Variants in SOX13 observed in about 807,000 individuals in gnomAD.
SOX13 encodes transcription factor SOX-13.
A neutral mutation model predicts 71.8 loss-of-function variants in SOX13; 28 were observed. That is an observed-to-expected ratio of 0.39 (90% CI 0.29 to 0.53). SOX13 has a LOEUF of 0.53. SOX13 is among the 20% of genes least tolerant of loss of function. SOX13 has a pLI of 0.70. For synonymous variants in SOX13, 309 were observed against 317.8 expected (o/e 0.97, Z 0.29); for missense variants, 627 against 810.3 (o/e 0.77, Z 2.75).
chr1:204,103,793 A>T (rs1336228160), intron 1 of SOX13, among the ~76,000 whole-genome samples: 1 of 152,212 alleles, frequency 6.6e-6, no homozygotes, highest in Non-Finnish European at 1.5e-5. Context: ...GTTGGGGTGC[A>T]GGAGAACCTG....
In SOX13 at chr1:204,111,802, C is replaced by A. The variant is rs187988290; in HGVS notation, c.-1-1113C>A. 2.6e-5 allele frequency among the ~76,000 whole-genome samples: 4 copies of A among 150,996 alleles called. No individual in the cohort carries two copies. The Admixed American group carries it at 2.7e-4, about 10-fold the overall frequency. On this transcript the variant is annotated intron_variant, in intron 1 of 13. Transcript: ENST00000367204. ...TCAAGTGATGTGCCTTCCTCAGCCT[C>A]TTGAGTAACTGGGATTACAGGCATG...
chr1:204,108,737 G>T (rs1466095591), intron 1 of SOX13, among the ~76,000 whole-genome samples: 13 of 152,242 alleles, frequency 8.5e-5, no homozygotes, highest in Non-Finnish European at 1.8e-4. Flanking sequence ...CCACAGGCCC[G>T]CATTGTGCGC....
chr1:204,115,492 T>TTTTAA (rs1491309003), intron 4 of SOX13, among the ~76,000 whole-genome samples: 1 of 49,928 alleles, frequency 2.0e-5, no homozygotes, highest in Non-Finnish European at 3.6e-5. Flanking sequence ...TTTTTTTTTT[T>TTTTAA]AAAAAAAAAA....
chr1:204,115,657 C>CTTCT (rs1553298465), intron 4 of SOX13, among the ~76,000 whole-genome samples: 3 of 57,382 alleles, frequency 5.2e-5, no homozygotes, highest in Non-Finnish European at 6.1e-5. Flanking sequence ...GCTTCTTCTT[C>CTTCT]TTTTTTTTTT....
At chr1:204,122,081 TG>T in intron 8 of SOX13, 96 bp downstream of exon 8, 1 of 1,053,936 alleles carries the variant, frequency 9.5e-7, no homozygotes, top group Non-Finnish European at 1.4e-6. Context: ...TGGTGAGCCC[TG>T]GCATCCTGTG....
chr1:204,119,719 C>G (rs1571592676), intron 7 of SOX13: 1 of 152,212 alleles, frequency 6.6e-6, no homozygotes, highest in African/African-American at 2.4e-5. Flanking sequence ...CTCATCTAAT[C>G]TCACCTAGGC....
intron 4 of SOX13, among the ~76,000 whole-genome samples, chr1:204,115,657 C>CTTTTTTTTTTTTTTTTT: frequency 1.7e-5 from 1 of 57,382 alleles, no homozygotes; most frequent in Non-Finnish European, 3.0e-5. Flanking sequence ...GCTTCTTCTT[C>CTTTTTTTTTTTTTTTTT]TTTTTTTTTT....
intron 1 of SOX13, among the ~76,000 whole-genome samples, chr1:204,092,147 A>G (rs535560063): frequency 6.6e-6 from 1 of 151,646 alleles, no homozygotes; most frequent in East Asian, 1.9e-4. Flanking sequence ...TCCTGGGCTC[A>G]AGTGATTCTA....
intron 1 of SOX13, among the ~76,000 whole-genome samples, chr1:204,098,107 C>T (rs905367408): frequency 2.6e-5 from 4 of 152,194 alleles, no homozygotes; most frequent in African/African-American, 7.2e-5. Flanking sequence ...GCAATCCACC[C>T]ACCTCGACCT....
chr1:204,112,505 A>ACT (rs1206435600), intron 1 of SOX13, among the ~76,000 whole-genome samples: 1 of 82,732 alleles, frequency 1.2e-5, no homozygotes, highest in Admixed American at 1.5e-4. Context: ...ATGCGTGCAC[A>ACT]CACACACACA....
intron 1 of SOX13, among the ~76,000 whole-genome samples, chr1:204,094,473 A>G (rs892242010): frequency 6.6e-6 from 1 of 152,206 alleles, no homozygotes; most frequent in Admixed American, 6.5e-5. Flanking sequence ...CAGTGACCCC[A>G]TTGTTGACCC....
intron 1 of SOX13, among the ~76,000 whole-genome samples, chr1:204,110,729 C>T (rs1190770973): frequency 6.6e-6 from 1 of 152,078 alleles, no homozygotes; most frequent in East Asian, 1.9e-4. Context: ...TAATACATAA[C>T]AAACATTTTA....
Position 204,117,207 on chromosome 1 carries a change from C to A in SOX13, c.660+17C>A. 1.9e-6 allele frequency: 3 copies of A among 1,611,952 alleles called. No individual in the cohort carries two copies. The highest frequency in any genetic ancestry group is 1.7e-6 in the Non-Finnish European group (2 of 1,178,064). ...CAGATCCAGGTAACCGGAGGGGAGA[C>A]CCGGAGAGGCACAGGAGGCAGTTGA... is the stretch of plus-strand genomic sequence containing the variant. On this transcript the variant is annotated intron_variant, in intron 6 of 13. Transcript: ENST00000367204.
chr1:204,126,085 C>T lies in SOX13; in HGVS notation c.1820C>T (p.Ser607Leu), dbSNP rs753686312. The T allele has an allele frequency of 3.7e-6, 6 of 1,613,888 alleles. No individual in the cohort carries two copies. Among genetic ancestry groups the T allele is most frequent in the South Asian group, 1.1e-5 (1 of 91,078 alleles). ...EMYRYSEDED[S>L]EGEEKSDGEL... is the part of the protein sequence containing the mutation. ...TACCGGTACAGCGAGGACGAGGACT[C>T]GGAGGGCGAAGAGAAGAGCGATGGG... is the stretch of plus-strand genomic sequence containing the variant. The change falls in exon 14 of 14, where the codon TCG becomes TTG. Residue 607 changes from serine to leucine, a missense_variant. Physicochemically the swap from Ser to Leu is moderately radical, Grantham distance 145 (BLOSUM62 -2). Around this residue, in one of 3 missense-constraint regions of SOX13, gnomAD observed 148 missense variants for 192.7 expected, o/e 0.77. Coordinates refer to ENST00000367204, the MANE Select transcript of SOX13 (RefSeq NM_005686.3).
At chr1:204,082,360 A>T (rs991922119) in intron 1 of SOX13, among the ~76,000 whole-genome samples, 1 of 151,926 alleles carries the variant, frequency 6.6e-6, no homozygotes, top group African/African-American at 2.4e-5. Flanking sequence ...CTCCAGGGAG[A>T]CAGTGAGGAC....
intron 1 of SOX13, among the ~76,000 whole-genome samples, chr1:204,090,197 T>C (rs1571570394): frequency 6.6e-6 from 1 of 152,088 alleles, no homozygotes; most frequent in Non-Finnish European, 1.5e-5. Context: ...GGACTCTGGG[T>C]AGAGCCAGCA....
In SOX13 at chr1:204,123,066, G is replaced by A; in HGVS notation, c.1135-46G>A. 6 of 1,542,010 alleles carry A rather than the reference G, an allele frequency of 3.9e-6. No homozygotes were observed. The highest frequency in any genetic ancestry group is 5.4e-6 in the Non-Finnish European group (6 of 1,115,450). On this transcript the variant is annotated intron_variant, in intron 10 of 13. Coordinates refer to ENST00000367204, the MANE Select transcript of SOX13 (RefSeq NM_005686.3). The surrounding 1 kb of genome is among the most constrained non-coding windows in gnomAD (Gnocchi z 5.0). ...CAAGAGAGGAGCATGGGGAGGAGTG[G>A]GGTGATGCAGAGGAGGCTGATGTCA...
chr1:204,123,350 T>G lies in SOX13; in HGVS notation c.1231+142T>G. 1.4e-6 allele frequency: 1 copy of G among 723,704 alleles called. No individual in the cohort carries two copies. The highest frequency in any genetic ancestry group is 2.4e-6 in the Non-Finnish European group (1 of 413,268). 44.8% of individuals were successfully genotyped at this position (723,704 alleles called of 1,614,324 possible). Reference sequence around the variant, plus strand: ...GGTGTGTGTGCCTCTGCTGTCCCATTATGTGTCTGTCGGCTCTGTCTCTGA... The same window carrying G: ...GGTGTGTGTGCCTCTGCTGTCCCATGATGTGTCTGTCGGCTCTGTCTCTGA... On this transcript the variant is annotated intron_variant, in intron 11 of 13. Transcript: ENST00000367204. This position sits in a 1 kb window ranked among gnomAD's most constrained non-coding sequence, Gnocchi z 5.0.
At chr1:204,080,556 G>A (rs1209492431) in intron 1 of SOX13, among the ~76,000 whole-genome samples, 2 of 150,354 alleles carry the variant, frequency 1.3e-5, no homozygotes, top group African/African-American at 4.9e-5. Flanking sequence ...CCCAGTCCCC[G>A]CCCCCTGCTT....
Sources: gnomAD v4.1 joint callset for allele counts (sites outside exome capture counted in the v4.1 genomes callset) on GRCh38, gnomAD v4.1.1 for gene constraint, gnomAD v4.1.1 regional missense constraint, Gnocchi (gnomAD v3.1) non-coding constraint, MANE v1.5 for transcripts, NCBI Gene and HGNC (gene_info 2026-07-23, HGNC 2026-07-21) for gene names.